Variants in IL23R observed in about 807,000 individuals in gnomAD.
IL23R encodes the protein interleukin-23 receptor.
Under a neutral mutation model 56.9 loss-of-function variants are expected in IL23R, and 34 were observed. The ratio of observed to expected loss-of-function variants is 0.60; its 90% confidence interval spans 0.45 to 0.80. IL23R has a LOEUF of 0.80. Ranked by LOEUF, IL23R falls within the 30% of genes least tolerant of loss-of-function variation. The probability of loss-of-function intolerance (pLI) is 0.00; values close to 1 mark genes in which losing one functional copy is unlikely to be tolerated. For missense variants in IL23R, 635 were observed against 730.0 expected (o/e 0.87, Z 1.50); for synonymous variants, 230 against 249.2 (o/e 0.92, Z 0.73).
chr1:67,141,061 A>AGG (rs922282538), intron 1 of IL23R, among the ~76,000 whole-genome samples: 2 of 152,184 alleles, frequency 1.3e-5, no homozygotes, highest in African/African-American at 4.8e-5. Context: ...CTGTTACAAG[A>AGG]GGTATGAAGA....
chr1:67,259,462 G>A lies in IL23R; in HGVS notation c.*334G>A, dbSNP rs907668074. 7.1e-5 allele frequency: 24 copies of A among 337,838 alleles called. No individual in the cohort carries two copies. In the East Asian group the frequency reaches 1.7e-3, roughly 24 times the overall value. The allele number at this position is 337,838 out of a possible 1,614,324, so 20.9% of individuals were successfully genotyped here. A position where few individuals can be genotyped will look rare whatever the true frequency, so the allele number is the denominator to read the frequency against. On this transcript the variant is annotated 3_prime_UTR_variant, in exon 11 of 11. Transcript: ENST00000347310. Reference sequence around the variant, plus strand: ...CATTTCTTAAAATTAGAGAATTAAGGTCCCGAAGGTGGAACATGCTTCATG... The same window carrying A: ...CATTTCTTAAAATTAGAGAATTAAGATCCCGAAGGTGGAACATGCTTCATG...
intron 1 of IL23R, among the ~76,000 whole-genome samples, chr1:67,152,604 A>G (rs1398417433): frequency 6.6e-6 from 1 of 152,118 alleles, no homozygotes; most frequent in African/African-American, 2.4e-5. Flanking sequence ...AATAGCTCTT[A>G]TTATTTTGAG....
At chr1:67,141,565 G>A (rs1015022026) in intron 1 of IL23R, among the ~76,000 whole-genome samples, 4 of 152,036 alleles carry the variant, frequency 2.6e-5, no homozygotes, top group East Asian at 3.9e-4. Flanking sequence ...CAAGACCAGC[G>A]TAGGCAACAC....
intron 5 of IL23R, among the ~76,000 whole-genome samples, chr1:67,202,794 C>T (rs1453898966): frequency 2.6e-5 from 4 of 152,062 alleles, no homozygotes; most frequent in Non-Finnish European, 4.4e-5. Context: ...AAACTTGTCT[C>T]GAACTCTGTG....
At chr1:67,181,625 T>A (rs1308204522) in intron 3 of IL23R, among the ~76,000 whole-genome samples, 1 of 152,362 alleles carries the variant, frequency 6.6e-6, no homozygotes, top group African/African-American at 2.4e-5. Context: ...AGCCTTCTTC[T>A]CTCAACTTGT....
At chr1:67,238,057 C>T (rs1487964312) in intron 8 of IL23R, among the ~76,000 whole-genome samples, 1 of 151,942 alleles carries the variant, frequency 6.6e-6, no homozygotes, top group African/African-American at 2.4e-5. Flanking sequence ...CGTAAAGAAA[C>T]ATGAAGTGGG....
rs542675985 is a variant in IL23R at position 67,139,861 on chromosome 1, T to A, written c.-634+700T>A. 2.0e-5 allele frequency among the ~76,000 whole-genome samples: 3 copies of A among 152,260 alleles called. No homozygotes were observed. The South Asian group carries it at 6.2e-4, about 32-fold the overall frequency. ...CAGCTTGGTGGGGCCTTTAAAAGGT[T>A]CTTGGGTCATAAGGGCAGAGCCCTT... On this transcript the variant is annotated intron_variant, in intron 1 of 10. Coordinates refer to the IL23R transcript ENST00000637002.
intron 7 of IL23R, among the ~76,000 whole-genome samples, chr1:67,227,567 G>A (rs1650703018): frequency 6.6e-6 from 1 of 152,018 alleles, no homozygotes; most frequent in Non-Finnish European, 1.5e-5. Flanking sequence ...TAATTTTTCA[G>A]GTTTTTAAGT....
At chr1:67,207,523 T>C (rs1389031826) in intron 6 of IL23R, 3 of 307,048 alleles carry the variant, frequency 9.8e-6, no homozygotes, top group Admixed American at 9.1e-5. Flanking sequence ...AATTGAATCA[T>C]GGAGGCCAGT....
At chr1:67,186,881 A>G (rs1214449915) in intron 4 of IL23R, among the ~76,000 whole-genome samples, 1 of 152,172 alleles carries the variant, frequency 6.6e-6, no homozygotes, top group African/African-American at 2.4e-5. Context: ...TTGGCCTCCC[A>G]AAGTGCTAGG....
intron 9 of IL23R, among the ~76,000 whole-genome samples, chr1:67,246,178 G>A (rs895613655): frequency 4.6e-5 from 7 of 151,964 alleles, no homozygotes; most frequent in African/African-American, 7.3e-5. Context: ...ATTTTTTATT[G>A]CATCTATTTG....
intron 7 of IL23R, among the ~76,000 whole-genome samples, chr1:67,220,039 C>A (rs531292506): frequency 2.6e-5 from 4 of 152,052 alleles, no homozygotes; most frequent in African/African-American, 9.7e-5. Context: ...CCACTGCTCT[C>A]TAGCCTGGAG....
At chr1:67,257,019 A>G (rs1652987186) in intron 10 of IL23R, among the ~76,000 whole-genome samples, 1 of 152,180 alleles carries the variant, frequency 6.6e-6, no homozygotes, top group South Asian at 2.1e-4. Flanking sequence ...TGATGAAGCA[A>G]TACCCAATGT....
intron 3 of IL23R, among the ~76,000 whole-genome samples, chr1:67,177,690 G>A (rs1311440411): frequency 6.6e-6 from 1 of 151,240 alleles, no homozygotes; most frequent in African/African-American, 2.5e-5. Context: ...TGAAGTCTTT[G>A]CCCATGCCTA....
chr1:67,221,116 C>T (rs1650209142), intron 7 of IL23R, among the ~76,000 whole-genome samples: 1 of 152,082 alleles, frequency 6.6e-6, no homozygotes, highest in Admixed American at 6.5e-5. Flanking sequence ...AGCCCAGGAG[C>T]TTGAGACCAG....
intron 6 of IL23R, among the ~76,000 whole-genome samples, chr1:67,217,040 A>G (rs1440620833): frequency 6.6e-6 from 1 of 152,224 alleles, no homozygotes; most frequent in Non-Finnish European, 1.5e-5. Context: ...GCCATGCCCC[A>G]TACTGATAGT....
intron 4 of IL23R, 54 bp from the exon 5 acceptor site, chr1:67,200,683 C>A: frequency 6.3e-7 from 1 of 1,578,102 alleles, no homozygotes; most frequent in Non-Finnish European, 8.7e-7. Context: ...CCATGCCTGG[C>A]CAATTAATTC....
intron 9 of IL23R, among the ~76,000 whole-genome samples, chr1:67,245,766 T>TCC (rs1652176995): frequency 1.3e-5 from 2 of 152,186 alleles, no homozygotes; most frequent in Non-Finnish European, 2.9e-5. Context: ...TGGCCTAAAA[T>TCC]TTTCTTTTTT....
chr1:67,197,017 T>G (rs935114141), intron 4 of IL23R, among the ~76,000 whole-genome samples: 1 of 152,064 alleles, frequency 6.6e-6, no homozygotes. Flanking sequence ...GAGACACACA[T>G]GTGAAATAGC....
Sources: gnomAD v4.1 joint callset for allele counts (sites outside exome capture counted in the v4.1 genomes callset) on GRCh38, gnomAD v4.1.1 for gene constraint, MANE v1.5 for transcripts, NCBI Gene and HGNC (gene_info 2026-07-23, HGNC 2026-07-21) for gene names.